Variants in CHD6 observed in about 807,000 individuals in gnomAD.
The protein encoded by CHD6 is chromodomain helicase DNA binding protein 6.
A neutral mutation model predicts 276.9 loss-of-function variants in CHD6; 50 were observed. The observed-to-expected ratio is 0.18, with a 90% CI of 0.14 to 0.23. The LOEUF is 0.23. Among genes scored for constraint, CHD6 ranks in the 10% least tolerant of loss-of-function variants. The pLI is 1.00. For missense variants in CHD6, 2,564 were observed against 3,365.8 expected (o/e 0.76, Z 5.89); for synonymous variants, 1,173 against 1,229.3 (o/e 0.95, Z 0.96).
At position 41,425,231 on chromosome 20, in the gene CHD6, C is replaced by T. The variant is rs769364137; in HGVS notation, c.4293G>A (p.Glu1431=). 8.7e-6 allele frequency: 14 copies of T among 1,614,130 alleles called. No homozygotes were observed. The South Asian group carries it at 1.4e-4, about 16-fold the overall frequency. The stretch of plus-strand genomic sequence containing the variant: ...CCATTTCTGAGGTTCTCCTGAACAT[C>T]TCTTCCTGAACCCAATATCCTTGGT... ...PGNQGYWVQE[E]MFRRTSEMDL... is the part of the protein sequence containing the mutation. Residue 1431 remains glutamate (E), a synonymous_variant, in exon 29 of 37, where the codon GAG becomes GAA. Coordinates refer to ENST00000373233, the MANE Select transcript of CHD6 (RefSeq NM_032221.5).
At chr20:41,562,031 T>C (rs749896335) in intron 1 of CHD6, among the ~76,000 whole-genome samples, 1 of 152,158 alleles carries the variant, frequency 6.6e-6, no homozygotes, top group Admixed American at 6.5e-5. Flanking sequence ...TATTGTTTTC[T>C]TTTAATGGAA....
intron 27 of CHD6, among the ~76,000 whole-genome samples, chr20:41,435,643 A>G (rs2047684041): frequency 6.6e-6 from 1 of 151,744 alleles, no homozygotes; most frequent in African/African-American, 2.4e-5. Context: ...AGGTATATAC[A>G]GTAAGATTCA....
At chr20:41,597,478 C>T (rs2045729490) in intron 1 of CHD6, among the ~76,000 whole-genome samples, 1 of 152,168 alleles carries the variant, frequency 6.6e-6, no homozygotes, top group South Asian at 2.1e-4. Context: ...ATTCGCAGTT[C>T]ACCAACACCA....
At chr20:41,527,430 A>C (rs1301877838) in intron 3 of CHD6, among the ~76,000 whole-genome samples, 2 of 152,176 alleles carry the variant, frequency 1.3e-5, no homozygotes, top group Non-Finnish European at 2.9e-5. Flanking sequence ...CAAAAAAAAA[A>C]AGAAGCAACC....
At chr20:41,527,845 A>G (rs879324896) in intron 3 of CHD6, among the ~76,000 whole-genome samples, 9 of 152,132 alleles carry the variant, frequency 5.9e-5, no homozygotes, top group African/African-American at 9.7e-5. Flanking sequence ...GTGGCTCTGG[A>G]CTCATGAATG....
In CHD6 at chr20:41,421,783, G is replaced by C. The variant is rs549295483; in HGVS notation, c.4852C>G (p.His1618Asp). 1.2e-6 allele frequency: 2 copies of C among 1,614,224 alleles called. No homozygotes were observed. Among genetic ancestry groups the C allele is most frequent in the Non-Finnish European group, 1.7e-6 (2 of 1,180,032 alleles). The change falls in exon 31 of 37, where the codon CAT becomes GAT. Residue 1618 changes from histidine to aspartate, a missense_variant. Coordinates refer to ENST00000373233, the MANE Select transcript of CHD6 (RefSeq NM_032221.5). ...FLDAYRNYAQ[H>D]KRSGTQAPGN... ...GGTGCCTGGGTGCCAGATCTTTTAT[G>C]CTGGGCATAGTTTCTATAGGCATCC... is the stretch of plus-strand genomic sequence containing the variant.
At chr20:41,426,495 C>T (rs1328890165) in intron 27 of CHD6, among the ~76,000 whole-genome samples, 1 of 152,102 alleles carries the variant, frequency 6.6e-6, no homozygotes, top group Non-Finnish European at 1.5e-5. Flanking sequence ...TTTGCCTTAC[C>T]ATCGTCACTT....
At chr20:41,588,570 T>C (rs750825218) in intron 1 of CHD6, among the ~76,000 whole-genome samples, 10 of 152,160 alleles carry the variant, frequency 6.6e-5, no homozygotes, top group Admixed American at 2.0e-4. Flanking sequence ...CACATGAGGT[T>C]ATGGCAGGGT....
chr20:41,478,222 G>GCC (rs373922879), intron 16 of CHD6, among the ~76,000 whole-genome samples: 1 of 151,992 alleles, frequency 6.6e-6, no homozygotes, highest in Non-Finnish European at 1.5e-5. Flanking sequence ...GCTCCACAGT[G>GCC]CCCCCCCATC....
At chr20:41,542,832 C>T (rs189841001) in intron 2 of CHD6, among the ~76,000 whole-genome samples, 32 of 151,916 alleles carry the variant, frequency 2.1e-4, no homozygotes, top group African/African-American at 7.7e-4. Flanking sequence ...AGGCCAGGCA[C>T]GGTGGCTCAC....
chr20:41,465,366 C>A (rs2145739105), intron 17 of CHD6, among the ~76,000 whole-genome samples: 2 of 152,294 alleles, frequency 1.3e-5, no homozygotes, highest in Middle Eastern at 6.8e-3. Context: ...AATATGATTT[C>A]TATGGTACTC....
At chr20:41,529,985 C>T (rs114789568) in intron 3 of CHD6, among the ~76,000 whole-genome samples, 142 of 152,302 alleles carry the variant, frequency 9.3e-4, no homozygotes, top group African/African-American at 3.3e-3. Flanking sequence ...CTTCTTCAAA[C>T]TTATCTCACT....
Position 41,404,810 on chromosome 20 carries a change from T to C in CHD6, c.7931A>G (p.His2644Arg). 1.2e-6 allele frequency: 2 copies of C among 1,613,640 alleles called. No individual in the cohort carries two copies. Among genetic ancestry groups the C allele is most frequent in the South Asian group, 2.2e-5 (2 of 91,030 alleles). ...MALPAMQQARHSEIVGLESQK... is the reference protein window; with the variant it reads ...MALPAMQQARRSEIVGLESQK... ...GCTCTCCAGACCTACTATTTCCGAG[T>C]GTCTGGCCTGCTGCATGGCTGGCAG... The change falls in exon 37 of 37, where the codon CAC becomes CGC. Residue 2644 changes from histidine to arginine, a missense_variant. This residue lies in a region of CHD6 where 238 missense variants were observed against 266.0 expected (regional missense o/e 0.89). Transcript: ENST00000373233.
chr20:41,533,926 G>A (rs915208273), intron 2 of CHD6, among the ~76,000 whole-genome samples: 1 of 152,222 alleles, frequency 6.6e-6, no homozygotes. Context: ...TGTATAGGAG[G>A]AAGTTTTATG....
chr20:41,435,603 C>CAA (rs34895530), intron 27 of CHD6, among the ~76,000 whole-genome samples: 1 of 110,184 alleles, frequency 9.1e-6, no homozygotes, highest in Non-Finnish European at 2.0e-5. Context: ...GACCCTGAGT[C>CAA]AAAAAAAAAA....
At chr20:41,575,189 C>T (rs2045461690) in intron 1 of CHD6, among the ~76,000 whole-genome samples, 1 of 152,160 alleles carries the variant, frequency 6.6e-6, no homozygotes, top group African/African-American at 2.4e-5. Flanking sequence ...TCCCTTGAGC[C>T]CCTATGCTCA....
chr20:41,415,626 C>T lies in CHD6; in HGVS notation c.6499G>A (p.Ala2167Thr), dbSNP rs754854979. The change falls in exon 34 of 37, where the codon GCT (alanine) becomes ACT (threonine). Residue 2167 changes from alanine to threonine, a missense_variant. Physicochemically the swap from Ala to Thr is moderately conservative, Grantham distance 58 (BLOSUM62 0). Coordinates refer to ENST00000373233, the MANE Select transcript of CHD6 (RefSeq NM_032221.5). ...AAQIHKESFL[A>T]PVFTKDEQKH... ...TGTTCATCCTTTGTGAATACTGGAG[C>T]TAAGAAGCTCTCCTGTGAACACACA... is the stretch of plus-strand genomic sequence containing the variant. 5.0e-5 allele frequency: 79 copies of T among 1,590,644 alleles called. 1 individual carries two copies. Among genetic ancestry groups the T allele is most frequent in the African/African-American group, 6.7e-5 (5 of 74,324 alleles).
chr20:41,490,027 G>A lies in CHD6; in HGVS notation c.1437-6C>T, dbSNP rs1444605863. On this transcript the variant is annotated splice_region_variant and splice_polypyrimidine_tract_variant and intron_variant, in intron 11 of 36. Transcript: ENST00000373233. ...CAGCCAAAATACAGTTTTTTCTGCAGAGAGTGAGAAATATAGGTAATTCAT... is the reference window on the plus strand; with the variant it reads ...CAGCCAAAATACAGTTTTTTCTGCAAAGAGTGAGAAATATAGGTAATTCAT... The A allele has an allele frequency of 2.5e-6, 4 of 1,612,034 alleles. No homozygotes were observed. The South Asian group carries it at 3.3e-5, about 13-fold the overall frequency.
intron 14 of CHD6, chr20:41,485,670 T>A (rs533032903): frequency 1.3e-5 from 2 of 151,588 alleles, no homozygotes; most frequent in East Asian, 1.9e-4. Context: ...GAGATTAGAG[T>A]AGTGGTTACC....
Sources: allele counts gnomAD v4.1 joint callset (sites outside exome capture counted in the v4.1 genomes callset), GRCh38; gene constraint gnomAD v4.1.1; regional missense constraint gnomAD v4.1.1; transcripts MANE v1.5; gene names NCBI Gene and HGNC (gene_info 2026-07-23, HGNC 2026-07-21).